Variants in CSMD1 observed in about 807,000 individuals in gnomAD.
The protein encoded by CSMD1 is CUB and sushi domain-containing protein 1.
Under a neutral mutation model 417.5 loss-of-function variants are expected in CSMD1, and 213 were observed. The ratio of observed to expected loss-of-function variants is 0.51; its 90% CI spans 0.46 to 0.57. CSMD1 has a LOEUF of 0.57. Among genes scored for constraint, CSMD1 ranks in the 20% least tolerant of loss-of-function variants. CSMD1 has a pLI of 0.00. For missense variants in CSMD1, 6,923 were observed against 4,529.7 expected (o/e 1.53, Z -15.17); for synonymous variants, 2,862 against 1,736.8 (o/e 1.65, Z -16.11).
chr8:3,621,514 T>A (rs1461845485), intron 7 of CSMD1, among the ~76,000 whole-genome samples: 2 of 152,140 alleles, frequency 1.3e-5, no homozygotes, highest in East Asian at 3.9e-4. Flanking sequence ...TTTACAGAGA[T>A]GAATAGTGGT....
intron 2 of CSMD1, among the ~76,000 whole-genome samples, chr8:4,567,860 C>A (rs993387717): frequency 5.9e-5 from 9 of 152,158 alleles, no homozygotes; most frequent in African/African-American, 2.2e-4. Context: ...TCTACATAAG[C>A]ATGCTGAGTA....
intron 3 of CSMD1, among the ~76,000 whole-genome samples, chr8:4,181,802 C>G (rs372981052): frequency 6.6e-6 from 1 of 152,118 alleles, no homozygotes; most frequent in Non-Finnish European, 1.5e-5. Flanking sequence ...GACTAATTGA[C>G]TATGCAGCAA....
At chr8:4,446,709 T>C (rs950023377) in intron 2 of CSMD1, among the ~76,000 whole-genome samples, 4 of 147,168 alleles carry the variant, frequency 2.7e-5, no homozygotes, top group African/African-American at 1.1e-4. Context: ...CCCACCACCA[T>C]GCCTGAGTTG....
chr8:4,045,100 G>T (rs952820136), intron 3 of CSMD1, among the ~76,000 whole-genome samples: 16 of 152,164 alleles, frequency 1.1e-4, no homozygotes, highest in African/African-American at 3.9e-4. Flanking sequence ...CGGGGCACAG[G>T]GAGACACTGA....
intron 3 of CSMD1, among the ~76,000 whole-genome samples, chr8:4,092,152 T>C (rs933981907): frequency 6.6e-6 from 1 of 152,184 alleles, no homozygotes; most frequent in South Asian, 2.1e-4. Context: ...TTTCCTTAAA[T>C]TCTACTAAAG....
intron 3 of CSMD1, among the ~76,000 whole-genome samples, chr8:4,280,672 G>T (rs533737089): frequency 6.6e-6 from 1 of 152,252 alleles, no homozygotes; most frequent in South Asian, 2.1e-4. Flanking sequence ...CTCACAAAAT[G>T]CTAACCTTGT....
At chr8:3,540,798 TAAGTA>T (rs534714596) in intron 10 of CSMD1, among the ~76,000 whole-genome samples, 1,936 of 152,254 alleles carry the variant, frequency 0.013, 16 homozygotes, top group South Asian at 0.034. Context: ...ACATCACTGA[TAAGTA>T]AAGAAGTGCA....
At chr8:4,392,710 C>T (rs552380882) in intron 3 of CSMD1, among the ~76,000 whole-genome samples, 161 of 151,724 alleles carry the variant, frequency 1.1e-3, no homozygotes, top group African/African-American at 3.4e-3. Context: ...TGGCTGACAC[C>T]TGTAATACCA....
intron 5 of CSMD1, among the ~76,000 whole-genome samples, chr8:3,957,136 C>T (rs951819528): frequency 2.6e-5 from 3 of 116,734 alleles, no homozygotes; most frequent in African/African-American, 8.3e-5. Context: ...TGCCCTGCCT[C>T]TTTCTCCCCC....
At chr8:3,382,218 C>T (rs1211228234) in intron 18 of CSMD1, among the ~76,000 whole-genome samples, 2 of 151,766 alleles carry the variant, frequency 1.3e-5, no homozygotes, top group Admixed American at 6.6e-5. Flanking sequence ...GAGATCCTGT[C>T]ACTGTGCTCC....
intron 5 of CSMD1, among the ~76,000 whole-genome samples, chr8:3,875,983 CAT>C (rs34388223): frequency 0.051 from 7,835 of 152,198 alleles, 554 homozygotes; most frequent in African/African-American, 0.16. Context: ...CGAAGGGCCA[CAT>C]GTCTTACATT....
intron 5 of CSMD1, among the ~76,000 whole-genome samples, chr8:3,920,022 T>G (rs1188599557): frequency 1.3e-5 from 2 of 151,738 alleles, no homozygotes; most frequent in African/African-American, 4.9e-5. Context: ...TTACCAAATT[T>G]GTTTTTTACT....
intron 6 of CSMD1, among the ~76,000 whole-genome samples, chr8:3,753,680 A>T (rs1469301955): frequency 6.6e-6 from 1 of 151,888 alleles, no homozygotes; most frequent in African/African-American, 2.4e-5. Context: ...ATAAATAGCT[A>T]TTGATTAAAA....
intron 5 of CSMD1, among the ~76,000 whole-genome samples, chr8:3,892,654 A>AT (rs1807058565): frequency 1.4e-5 from 2 of 147,346 alleles, no homozygotes; most frequent in Non-Finnish European, 3.0e-5. Context: ...ACGTCGTGGG[A>AT]TTTTTGGAGA....
chr8:4,378,616 A>G (rs950223291), intron 3 of CSMD1, among the ~76,000 whole-genome samples: 1 of 152,206 alleles, frequency 6.6e-6, no homozygotes, highest in African/African-American at 2.4e-5. Context: ...TGCTAAAACA[A>G]GAGTTTGAAG....
intron 15 of CSMD1, 65 bp downstream of exon 15, chr8:3,405,962 T>A (rs1396180773): frequency 6.7e-7 from 1 of 1,487,004 alleles, no homozygotes; most frequent in Non-Finnish European, 9.2e-7. Flanking sequence ...TGTTGGTTTG[T>A]GTGTGTGCCT....
intron 3 of CSMD1, among the ~76,000 whole-genome samples, chr8:4,183,030 T>C (rs1798465610): frequency 6.6e-6 from 1 of 152,176 alleles, no homozygotes; most frequent in African/African-American, 2.4e-5. Context: ...GAGTAGAAAG[T>C]ACACGTGATT....
At chr8:4,567,611 G>C (rs1429796947) in intron 2 of CSMD1, among the ~76,000 whole-genome samples, 1 of 152,152 alleles carries the variant, frequency 6.6e-6, no homozygotes, top group Non-Finnish European at 1.5e-5. Context: ...AGAGTGCTCT[G>C]TGCAATTATT....
At chr8:4,087,658 A>G (rs1041673702) in intron 3 of CSMD1, among the ~76,000 whole-genome samples, 4 of 151,684 alleles carry the variant, frequency 2.6e-5, no homozygotes, top group Non-Finnish European at 5.9e-5. Flanking sequence ...ACTCTTTCTC[A>G]TTTTGTGTTT....
Sources: allele counts gnomAD v4.1 joint callset (sites outside exome capture counted in the v4.1 genomes callset), GRCh38; gene constraint gnomAD v4.1.1; transcripts MANE v1.5; gene names NCBI Gene and HGNC (gene_info 2026-07-23, HGNC 2026-07-21).